PPM1L: variants seen among roughly 807,000 people sequenced by gnomAD.
The protein encoded by PPM1L is protein phosphatase, Mg2+/Mn2+ dependent 1L, also known as protein phosphatase 1L.
PPM1L carries 13 observed loss-of-function variants against 31.4 expected under a neutral mutation model. The ratio of observed to expected loss-of-function variants is 0.41; its 90% CI spans 0.27 to 0.66. PPM1L has a LOEUF of 0.66. PPM1L is among the 30% of genes least tolerant of loss of function. The pLI, the probability that PPM1L is intolerant of heterozygous loss-of-function variation, is 0.29. For synonymous variants in PPM1L, 184 were observed against 175.4 expected (o/e 1.05, Z -0.39); for missense variants, 326 against 453.7 (o/e 0.72, Z 2.56).
intron 1 of PPM1L, among the ~76,000 whole-genome samples, chr3:160,811,198 G>A (rs1379574655): frequency 6.6e-6 from 1 of 152,194 alleles, no homozygotes; most frequent in African/African-American, 2.4e-5. Flanking sequence ...CTAAGTACGG[G>A]GCCACTTTAA....
intron 1 of PPM1L, among the ~76,000 whole-genome samples, chr3:160,945,045 TATTATATATAACTATATATAACATGTTA>T (rs1576732610): frequency 1.6e-5 from 2 of 126,986 alleles, no homozygotes; most frequent in Non-Finnish European, 3.4e-5. Context: ...ATAACATATA[TATTATATATAACTATATATAACATGTTA>T]TATATAACTA....
intron 1 of PPM1L, among the ~76,000 whole-genome samples, chr3:160,905,041 C>A (rs1476882545): frequency 1.3e-5 from 2 of 152,152 alleles, no homozygotes; most frequent in Non-Finnish European, 2.9e-5. Context: ...AAATAAAGAT[C>A]TGCTCTAGTA....
intron 1 of PPM1L, among the ~76,000 whole-genome samples, chr3:160,772,183 C>A (rs1042458976): frequency 8.5e-5 from 13 of 152,194 alleles, no homozygotes; most frequent in Non-Finnish European, 1.3e-4. Flanking sequence ...GTCAGAGAAG[C>A]TCTCTATACC....
At chr3:160,914,024 T>C (rs1447955000) in intron 1 of PPM1L, among the ~76,000 whole-genome samples, 1 of 152,260 alleles carries the variant, frequency 6.6e-6, no homozygotes, top group Non-Finnish European at 1.5e-5. Context: ...CCAAAATGGT[T>C]GTATCATTTT....
intron 1 of PPM1L, among the ~76,000 whole-genome samples, chr3:160,853,355 A>G (rs536798708): frequency 6.6e-5 from 10 of 152,184 alleles, no homozygotes; most frequent in Non-Finnish European, 1.5e-4. Context: ...CACTCTACCT[A>G]TCCTACCTGT....
rs74971029 is a variant in PPM1L, at chr3:160,919,463, G to A, written c.400-42273G>A. On this transcript the variant is annotated intron_variant, in intron 1 of 3. Coordinates refer to ENST00000498165, the MANE Select transcript of PPM1L (RefSeq NM_139245.4). The stretch of plus-strand genomic sequence containing the variant: ...TAACCAATGGGCATTATAGGCATGC[G>A]TGGGTGTCATCCTCATGCTACCTTA... Among the ~76,000 whole-genome samples, 404 of 152,282 alleles carry A rather than the reference G, an allele frequency of 2.7e-3. 13 individuals are homozygous for A. The East Asian group carries it at 0.054, about 20-fold the overall frequency.
At chr3:160,889,120 A>G (rs1349234319) in intron 1 of PPM1L, among the ~76,000 whole-genome samples, 1 of 152,216 alleles carries the variant, frequency 6.6e-6, no homozygotes, top group East Asian at 1.9e-4. Context: ...AACTAATCCA[A>G]TAGCTAGCAG....
At chr3:160,777,434 A>G (rs1422308765) in intron 1 of PPM1L, among the ~76,000 whole-genome samples, 1 of 152,218 alleles carries the variant, frequency 6.6e-6, no homozygotes, top group Non-Finnish European at 1.5e-5. Context: ...GTAGTGTTAT[A>G]TGTGTTCACA....
chr3:160,938,575 A>C (rs973925899), intron 1 of PPM1L, among the ~76,000 whole-genome samples: 3 of 152,206 alleles, frequency 2.0e-5, no homozygotes, highest in Admixed American at 2.0e-4. Flanking sequence ...GCCTTAAATT[A>C]CTCATTAACA....
intron 1 of PPM1L, among the ~76,000 whole-genome samples, chr3:160,870,009 A>G (rs1712246370): frequency 6.6e-6 from 1 of 152,114 alleles, no homozygotes; most frequent in South Asian, 2.1e-4. Flanking sequence ...CTCCTGATAG[A>G]TATCTCTGTG....
chr3:160,956,897 C>G (rs973136649), intron 1 of PPM1L, among the ~76,000 whole-genome samples: 5 of 152,190 alleles, frequency 3.3e-5, no homozygotes, highest in African/African-American at 1.2e-4. Context: ...TGCATAGTGT[C>G]AAAGTATTGA....
chr3:160,854,693 T>G (rs917639101), intron 1 of PPM1L, among the ~76,000 whole-genome samples: 3 of 151,642 alleles, frequency 2.0e-5, no homozygotes, highest in Non-Finnish European at 4.4e-5. Context: ...CAAAACACTG[T>G]TGAAAGAAAT....
chr3:160,839,961 C>T (rs145384478), intron 1 of PPM1L, among the ~76,000 whole-genome samples: 42 of 152,128 alleles, frequency 2.8e-4, no homozygotes, highest in East Asian at 2.3e-3. Flanking sequence ...TTGAGACATA[C>T]GGTTTATAAA....
chr3:160,859,582 C>A (rs540907085), intron 1 of PPM1L, among the ~76,000 whole-genome samples: 1 of 152,220 alleles, frequency 6.6e-6, no homozygotes, highest in Admixed American at 6.5e-5. Flanking sequence ...TTGACTTTTG[C>A]CCACCCCTGG....
intron 1 of PPM1L, among the ~76,000 whole-genome samples, chr3:160,896,945 AGT>A (rs1713352924): frequency 6.6e-6 from 1 of 151,504 alleles, no homozygotes; most frequent in East Asian, 1.9e-4. Flanking sequence ...ATGTAGATTT[AGT>A]GTGTGTCTTT....
intron 1 of PPM1L, among the ~76,000 whole-genome samples, chr3:160,844,778 G>T (rs558758004): frequency 6.6e-6 from 1 of 152,076 alleles, no homozygotes; most frequent in East Asian, 1.9e-4. Context: ...CCCATATAAA[G>T]TGTACAATTC....
chr3:161,071,922 A>G lies in PPM1L; in HGVS notation c.*2765A>G, dbSNP rs1719932515. 6.6e-6 allele frequency: 1 copy of G among 151,718 alleles called. No homozygotes were observed. 9.4% of individuals were successfully genotyped at this position (151,718 alleles called of 1,614,324 possible). On this transcript the variant is annotated 3_prime_UTR_variant, in exon 4 of 4. Transcript: ENST00000498165. ...GGAATTGTCACCCAAGGCTTCCTAG[A>G]CTCCCTAGCTAGCTCGAGTTCGAAT...
Position 161,069,664 on chromosome 3 carries a change from C to T in PPM1L, c.*507C>T, listed in dbSNP as rs565928596. ...CCTGAGAATGCTTTGTCCTTCTGAG[C>T]CCATGTTTTCTGCTCAGTAGCAGCT... On this transcript the variant is annotated 3_prime_UTR_variant, in exon 4 of 4. Transcript: ENST00000498165. The T allele has an allele frequency of 2.6e-5, 4 of 155,326 alleles. No homozygotes were observed. The highest frequency in any genetic ancestry group is 5.7e-5 in the Non-Finnish European group (4 of 70,002). The allele number at this position is 155,326 out of a possible 1,614,324, so 9.6% of individuals were successfully genotyped here. A position where few individuals can be genotyped will look rare whatever the true frequency, so the allele number is the denominator to read the frequency against.
At chr3:160,927,623 TGTGTGCGTGC>T (rs1297924487) in intron 1 of PPM1L, among the ~76,000 whole-genome samples, 8 of 152,194 alleles carry the variant, frequency 5.3e-5, no homozygotes, top group Middle Eastern at 3.4e-3. Context: ...TGTGTGTGTG[TGTGTGCGTGC>T]GTGTGCGTGC....
Sources: gnomAD v4.1 joint callset for allele counts (sites outside exome capture counted in the v4.1 genomes callset) on GRCh38, gnomAD v4.1.1 for gene constraint, MANE v1.5 for transcripts, NCBI Gene and HGNC (gene_info 2026-07-23, HGNC 2026-07-21) for gene names.